Variants in FAM78B observed in about 807,000 individuals in gnomAD.
FAM78B encodes family with sequence similarity 78 member B.
In FAM78B, 10 loss-of-function variants were observed where a neutral mutation model predicts 20.0. That is an observed-to-expected ratio of 0.50 (90% confidence interval 0.31 to 0.85). The LOEUF (loss-of-function observed/expected upper bound fraction) is 0.85, where lower values mean the gene tolerates loss of function less well. Among genes scored for constraint, FAM78B ranks in the 40% least tolerant of loss-of-function variants. The probability of loss-of-function intolerance (pLI) is 0.05; values close to 1 mark genes in which losing one functional copy is unlikely to be tolerated. For missense variants in FAM78B, 283 were observed against 345.0 expected, an observed-to-expected ratio of 0.82 and a Z score of 1.42; for synonymous variants, 135 against 132.8, an observed-to-expected ratio of 1.02 and a Z score of -0.12.
chr1:166,058,735 A>G (rs551722071), exon 3 of FAM78B: 1 of 152,546 alleles, frequency 6.6e-6, no homozygotes, highest in Non-Finnish European at 1.5e-5. Flanking sequence ...GTTTGTATGT[A>G]GACAGTGTGT....
chr1:166,083,565 C>T (rs748795915), intron 1 of FAM78B, among the ~76,000 whole-genome samples: 5 of 152,126 alleles, frequency 3.3e-5, no homozygotes, highest in African/African-American at 1.2e-4. Flanking sequence ...AGTGCGGTGG[C>T]GCGATCTCAG....
intron 1 of FAM78B, among the ~76,000 whole-genome samples, chr1:166,110,991 AG>A (rs376604405): frequency 6.6e-5 from 10 of 152,306 alleles, no homozygotes; most frequent in African/African-American, 2.2e-4. Context: ...AGGAGGATAC[AG>A]GAGTTGGGGT....
At chr1:166,121,226 G>A (rs1204929106) in intron 1 of FAM78B, among the ~76,000 whole-genome samples, 1 of 152,138 alleles carries the variant, frequency 6.6e-6, no homozygotes, top group Non-Finnish European at 1.5e-5. Flanking sequence ...GTCCACAAGG[G>A]GCCACATGCA....
rs1399675570 is a variant in FAM78B at position 166,081,567 on chromosome 1, C to T, written c.264-10804G>A. 4.6e-5 allele frequency among the ~76,000 whole-genome samples: 7 copies of T among 152,284 alleles called. No individual in the cohort carries two copies. In the South Asian group the frequency reaches 6.2e-4, roughly 14 times the overall value. Reference sequence around the variant, plus strand: ...CCCAGGCTGTGTCCCTTACAAGGGTCGTGTCCCCTGACCACACAGCAAGCC... The same window carrying T: ...CCCAGGCTGTGTCCCTTACAAGGGTTGTGTCCCCTGACCACACAGCAAGCC... On this transcript the variant is annotated intron_variant, in intron 1 of 1. Transcript: ENST00000354422.
At chr1:166,109,856 A>G (rs7514057) in intron 1 of FAM78B, among the ~76,000 whole-genome samples, 1,261 of 19,322 alleles carry the variant, frequency 0.065, 263 homozygotes, top group East Asian at 0.12. Flanking sequence ...ATATATATAT[A>G]TATATGTATG....
At chr1:166,148,924 T>C (rs1046479983) in intron 1 of FAM78B, among the ~76,000 whole-genome samples, 2 of 152,244 alleles carry the variant, frequency 1.3e-5, no homozygotes, top group Non-Finnish European at 2.9e-5. Flanking sequence ...CATAGTTTAC[T>C]GAGAATGATG....
At chr1:166,158,384 C>T (rs1272887824) in intron 1 of FAM78B, among the ~76,000 whole-genome samples, 1 of 152,206 alleles carries the variant, frequency 6.6e-6, no homozygotes, top group Non-Finnish European at 1.5e-5. Flanking sequence ...AGTCAGAGCA[C>T]ATGAGCTAGA....
intron 1 of FAM78B, among the ~76,000 whole-genome samples, chr1:166,137,263 G>A (rs544071134): frequency 1.3e-5 from 2 of 152,324 alleles, no homozygotes; most frequent in Admixed American, 6.5e-5. Context: ...GAGGACTCTG[G>A]GCTGCATCTG....
intron 1 of FAM78B, among the ~76,000 whole-genome samples, chr1:166,098,835 A>C (rs571142433): frequency 1.3e-5 from 2 of 152,204 alleles, no homozygotes; most frequent in East Asian, 3.8e-4. Context: ...TAATCAAGGA[A>C]AACTTCCCTG....
At chr1:166,130,958 G>A (rs559144490) in intron 1 of FAM78B, among the ~76,000 whole-genome samples, 83 of 149,532 alleles carry the variant, frequency 5.6e-4, no homozygotes, top group Non-Finnish European at 9.9e-4. Context: ...GAATAACTTG[G>A]TGTATCTGCA....
intron 1 of FAM78B, 123 bp downstream of exon 1, chr1:166,165,862 GC>G: frequency 8.9e-7 from 1 of 1,127,442 alleles, no homozygotes; most frequent in Middle Eastern, 2.1e-4. Context: ...GGGAGAGGAG[GC>G]GGGAGGAAGG....
At chr1:166,096,942 G>A (rs1271334685) in intron 1 of FAM78B, among the ~76,000 whole-genome samples, 3 of 152,190 alleles carry the variant, frequency 2.0e-5, no homozygotes, top group East Asian at 1.9e-4. Context: ...GGTCCAGATC[G>A]ACTGCAAGAA....
At position 166,070,720 on chromosome 1, in the gene FAM78B, C is replaced by A; in HGVS notation, c.307G>T (p.Ala103Ser). The A allele has an allele frequency of 6.3e-7, 1 of 1,598,618 alleles. No homozygotes were observed. The highest frequency in any genetic ancestry group is 1.1e-5 in the South Asian group (1 of 88,830). Residue 103 changes from alanine (A) to serine (S), a missense_variant, in exon 2 of 2, where the codon GCC becomes TCC. Coordinates refer to ENST00000354422, the MANE Select transcript of FAM78B (RefSeq NM_001017961.5). ...CTCACCCCATCTGAGTCACTGATGG[C>A]TTTTACTCTCCCTTCCCTCAAGTCA... ...LPDLREGRVK[A>S]ISDSDGVSYP...
chr1:166,125,858 C>T lies in FAM78B; in HGVS notation c.263+40128G>A, dbSNP rs188839583. Reference sequence around the variant, plus strand: ...TTTTTTTTTTTTTTTTTTGAGACTGCGTCTTGCTCTGTCGCCAGGCTGGAG... The same window carrying T: ...TTTTTTTTTTTTTTTTTTGAGACTGTGTCTTGCTCTGTCGCCAGGCTGGAG... On this transcript the variant is annotated intron_variant, in intron 1 of 1. Coordinates refer to ENST00000354422, the MANE Select transcript of FAM78B (RefSeq NM_001017961.5). Among the ~76,000 whole-genome samples the T allele has an allele frequency of 3.6e-3, 419 of 116,266 alleles. 4 individuals carry two copies. Among genetic ancestry groups the T allele is most frequent in the Middle Eastern group, 0.016 (2 of 124 alleles). The allele number at this position is 116,266 out of a possible 152,430, so 76.3% of individuals were successfully genotyped here. A position where few individuals can be genotyped will look rare whatever the true frequency, so the allele number is the denominator to read the frequency against.
intron 1 of FAM78B, among the ~76,000 whole-genome samples, chr1:166,109,882 G>A (rs7366687): frequency 0.1 from 1,213 of 12,020 alleles, 198 homozygotes; most frequent in Middle Eastern, 0.25. Context: ...ATATATATAT[G>A]TATATATGTA....
intron 1 of FAM78B, among the ~76,000 whole-genome samples, chr1:166,152,252 G>A (rs1359686264): frequency 1.3e-5 from 2 of 152,158 alleles, no homozygotes. Context: ...AGAAGCCCGT[G>A]GTGGTTGTTG....
chr1:166,127,255 A>G (rs1205779339), intron 1 of FAM78B, among the ~76,000 whole-genome samples: 2 of 152,134 alleles, frequency 1.3e-5, no homozygotes, highest in Non-Finnish European at 2.9e-5. Flanking sequence ...GGCAGCTGCA[A>G]TCACTGACAA....
chr1:166,158,925 AT>A (rs1656027561), intron 1 of FAM78B, among the ~76,000 whole-genome samples: 1 of 152,266 alleles, frequency 6.6e-6, no homozygotes, highest in Non-Finnish European at 1.5e-5. Flanking sequence ...GGAGTCCATA[AT>A]AACCAACTTA....
intron 1 of FAM78B, among the ~76,000 whole-genome samples, chr1:166,111,290 T>C (rs777449545): frequency 2.0e-5 from 3 of 152,172 alleles, no homozygotes; most frequent in Non-Finnish European, 4.4e-5. Context: ...CCAGGACTGA[T>C]AGGCAGGGAT....
Sources: gnomAD v4.1 joint callset for allele counts (sites outside exome capture counted in the v4.1 genomes callset) on GRCh38, gnomAD v4.1.1 for gene constraint, MANE v1.5 for transcripts, NCBI Gene and HGNC (gene_info 2026-07-23, HGNC 2026-07-21) for gene names.